Variants in NEK5 observed in about 807,000 individuals in gnomAD.
The protein encoded by NEK5 is serine/threonine-protein kinase Nek5.
A neutral mutation model predicts 109.2 loss-of-function variants in NEK5; 88 were observed. The ratio of observed to expected loss-of-function variants is 0.81; its 90% CI spans 0.68 to 0.96. The LOEUF is 0.96. NEK5 is among the 40% of genes least tolerant of loss of function. The pLI, the probability that NEK5 is intolerant of heterozygous loss-of-function variation, is 0.00. For synonymous variants in NEK5, 283 were observed against 299.9 expected (o/e 0.94, Z 0.58); for missense variants, 834 against 920.7 (o/e 0.91, Z 1.22).
At chr13:52,056,592 ACTAT>A (rs1336059384) in intron 22 of NEK5, among the ~76,000 whole-genome samples, 2 of 147,990 alleles carry the variant, frequency 1.4e-5, no homozygotes, top group Non-Finnish European at 3.0e-5. Context: ...ATTATAACAA[ACTAT>A]CTCTCAGACC....
At chr13:52,049,654 C>T (rs1299351335) in intron 23 of NEK5, among the ~76,000 whole-genome samples, 1 of 149,924 alleles carries the variant, frequency 6.7e-6, no homozygotes, top group African/African-American at 2.5e-5. Flanking sequence ...ACACTAACAA[C>T]AGCTGATGAA....
chr13:52,099,303 C>T (rs1955481087), intron 12 of NEK5, among the ~76,000 whole-genome samples: 1 of 152,050 alleles, frequency 6.6e-6, no homozygotes, highest in Admixed American at 6.6e-5. Flanking sequence ...GAGGCCGAGG[C>T]AGGCTGATCG....
intron 3 of NEK5, among the ~76,000 whole-genome samples, chr13:52,124,523 A>T (rs1178359280): frequency 1.3e-5 from 2 of 152,194 alleles, no homozygotes; most frequent in African/African-American, 4.8e-5. Flanking sequence ...TTTTTTATAA[A>T]TTACTTAACA....
intron 23 of NEK5, among the ~76,000 whole-genome samples, chr13:52,045,625 C>T (rs1382869067): frequency 1.4e-5 from 2 of 147,840 alleles, no homozygotes; most frequent in Non-Finnish European, 3.0e-5. Flanking sequence ...ATTAGCCGGG[C>T]GTGGTGGCCG....
At chr13:52,097,180 T>A (rs983199660) in intron 12 of NEK5, among the ~76,000 whole-genome samples, 1 of 152,116 alleles carries the variant, frequency 6.6e-6, no homozygotes, top group African/African-American at 2.4e-5. Flanking sequence ...AGAAGCCTGT[T>A]TCAGGGGGAC....
rs753541245 is a variant in NEK5 at position 52,102,091 on chromosome 13, C to T, written c.810+1G>A. ...ATCCAAACAGTCACCTCAAAACTTA[C>T]CTCAGGAGTCAAATATTTGGGAATA... On this transcript the variant is annotated splice_donor_variant, in intron 10 of 23. Transcript: ENST00000684899. LOFTEE classifies it high-confidence loss of function. 1.9e-5 allele frequency: 31 copies of T among 1,613,422 alleles called. No individual in the cohort carries two copies. Among genetic ancestry groups the T allele is most frequent in the Non-Finnish European group, 2.5e-5 (29 of 1,179,514 alleles).
chr13:52,097,802 G>T (rs1473265004), intron 12 of NEK5, among the ~76,000 whole-genome samples: 2 of 152,152 alleles, frequency 1.3e-5, no homozygotes, highest in Non-Finnish European at 2.9e-5. Flanking sequence ...TGGGAATTGG[G>T]AGGGGCCAAA....
At chr13:52,040,501 G>C (rs1451609129) in intron 23 of NEK5, among the ~76,000 whole-genome samples, 2 of 152,148 alleles carry the variant, frequency 1.3e-5, no homozygotes, top group Non-Finnish European at 2.9e-5. Flanking sequence ...CAGGCTAAGA[G>C]AAACTTCCTG....
intron 20 of NEK5, among the ~76,000 whole-genome samples, chr13:52,067,323 A>T (rs1258646821): frequency 6.6e-6 from 1 of 152,200 alleles, no homozygotes; most frequent in Admixed American, 6.5e-5. Flanking sequence ...TCAGTTAGGC[A>T]GGCAGTTAGG....
rs554080814 is a variant in NEK5 at position 52,123,102 on chromosome 13, G to A, written c.118-3687C>T. 3.6e-4 allele frequency among the ~76,000 whole-genome samples: 55 copies of A among 152,292 alleles called. 1 individual carries two copies. In the South Asian group the frequency reaches 0.011, roughly 31 times the overall value. Reference sequence around the variant, plus strand: ...AGAAAACAAGCAATTTAGTTCTGGGGTCTAGTGTAGGGAGTAGGGAGGCAT... The same window carrying A: ...AGAAAACAAGCAATTTAGTTCTGGGATCTAGTGTAGGGAGTAGGGAGGCAT... On this transcript the variant is annotated intron_variant, in intron 3 of 23. Coordinates refer to ENST00000684899, the MANE Select transcript of NEK5 (RefSeq NM_001365552.1).
At chr13:52,107,102 T>A (rs1350510748) in intron 8 of NEK5, among the ~76,000 whole-genome samples, 1 of 152,164 alleles carries the variant, frequency 6.6e-6, no homozygotes, top group Non-Finnish European at 1.5e-5. Flanking sequence ...CAATTTTCGA[T>A]GTTATTTTTT....
At chr13:52,055,374 T>C (rs1478655737) in intron 22 of NEK5, among the ~76,000 whole-genome samples, 2 of 152,140 alleles carry the variant, frequency 1.3e-5, no homozygotes, top group Non-Finnish European at 2.9e-5. Context: ...GAAAACACTC[T>C]GCAGGATATT....
intron 17 of NEK5, among the ~76,000 whole-genome samples, chr13:52,077,615 T>C (rs1248409479): frequency 6.6e-6 from 1 of 152,128 alleles, no homozygotes; most frequent in African/African-American, 2.4e-5. Context: ...CAGAGAGAAC[T>C]GAAACACTCA....
At chr13:52,062,302 A>C (rs1954619907) in intron 21 of NEK5, among the ~76,000 whole-genome samples, 1 of 152,186 alleles carries the variant, frequency 6.6e-6, no homozygotes, top group Admixed American at 6.5e-5. Context: ...CACATGTACA[A>C]ATTTTAGCTC....
At position 52,099,870 on chromosome 13, in the gene NEK5, T is replaced by C; in HGVS notation, c.899A>G (p.Lys300Arg). 1.9e-6 allele frequency: 3 copies of C among 1,613,098 alleles called. No individual in the cohort carries two copies. Among genetic ancestry groups the C allele is most frequent in the Non-Finnish European group, 2.5e-6 (3 of 1,179,376 alleles). Residue 300 changes from lysine to arginine, a missense_variant, in exon 12 of 24, where the codon AAA (lysine) becomes AGA (arginine). Transcript: ENST00000684899. ...TCCCTGGAATCTCACTTTTTGTATT[T>C]TACACTCTTAATTAACCAAAATAAA... is the stretch of plus-strand genomic sequence containing the variant. Reference protein sequence around the residue: ...RHAGKVVQKCKIQKVRFQGKC... With the variant: ...RHAGKVVQKCRIQKVRFQGKC...
Position 52,083,614 on chromosome 13 carries a change from G to A in NEK5, c.1480-262C>T, listed in dbSNP as rs973513295. Among the ~76,000 whole-genome samples the A allele has an allele frequency of 2.6e-5, 4 of 151,614 alleles. No individual in the cohort carries two copies. In the East Asian group the frequency reaches 7.8e-4, roughly 29 times the overall value. On this transcript the variant is annotated intron_variant, in intron 16 of 23. Transcript: ENST00000684899. The stretch of plus-strand genomic sequence containing the variant: ...TGCAGTGGTGCGATCTTGGCTCACT[G>A]CAAGCTCTGCCTCCTGAGTTCATGC...
chr13:52,113,345 A>G (rs1230710516), intron 4 of NEK5, among the ~76,000 whole-genome samples: 10 of 152,014 alleles, frequency 6.6e-5, no homozygotes, highest in Non-Finnish European at 5.9e-5. Context: ...ATTTTCTTGA[A>G]CTGTAGTGAG....
At chr13:52,107,929 C>T (rs1344791311) in intron 8 of NEK5, among the ~76,000 whole-genome samples, 1 of 152,068 alleles carries the variant, frequency 6.6e-6, no homozygotes, top group Non-Finnish European at 1.5e-5. Flanking sequence ...AGGACTCAGA[C>T]CTTAGTTATA....
chr13:52,056,351 G>C (rs1954555011), intron 22 of NEK5, among the ~76,000 whole-genome samples: 2 of 152,032 alleles, frequency 1.3e-5, no homozygotes, highest in South Asian at 4.1e-4. Flanking sequence ...AATAATGGGA[G>C]ACTTTAACAC....
Sources: gnomAD v4.1 joint callset for allele counts (sites outside exome capture counted in the v4.1 genomes callset) on GRCh38, gnomAD v4.1.1 for gene constraint, MANE v1.5 for transcripts, NCBI Gene and HGNC (gene_info 2026-07-23, HGNC 2026-07-21) for gene names.